The following CHD6 variants were observed in gnomAD, a reference collection of about 807,000 sequenced individuals.
The protein encoded by CHD6 is chromodomain helicase DNA binding protein 6, also known as ATP-dependent chromatin remodeler CHD6.
A neutral mutation model predicts 276.9 loss-of-function variants in CHD6; 50 were observed. The ratio of observed to expected loss-of-function variants is 0.18; its 90% CI spans 0.14 to 0.23. The LOEUF (loss-of-function observed/expected upper bound fraction) is 0.23, where lower values mean the gene tolerates loss of function less well. Ranked by LOEUF, CHD6 falls within the 10% of genes least tolerant of loss-of-function variation. CHD6 has a pLI of 1.00. For missense variants in CHD6, 2,564 were observed against 3,365.8 expected, an observed-to-expected ratio of 0.76 and a Z score of 5.89; for synonymous variants, 1,173 against 1,229.3, an observed-to-expected ratio of 0.95 and a Z score of 0.96.
At chr20:41,456,164 A>T (rs954070582) in intron 18 of CHD6, among the ~76,000 whole-genome samples, 185 bp from the exon 19 acceptor site, 2 of 152,158 alleles carry the variant, frequency 1.3e-5, no homozygotes, top group Admixed American at 6.6e-5. Flanking sequence ...GCAGGCAGAC[A>T]GTCCTCTATA....
chr20:41,467,632 T>A (rs1312032793), intron 17 of CHD6, among the ~76,000 whole-genome samples: 2 of 124,852 alleles, frequency 1.6e-5, no homozygotes, highest in African/African-American at 6.3e-5. Flanking sequence ...ACCTTGGGAG[T>A]CTGAGGCAGG....
At chr20:41,527,278 A>C (rs909571135) in intron 3 of CHD6, among the ~76,000 whole-genome samples, 4 of 152,168 alleles carry the variant, frequency 2.6e-5, no homozygotes, top group Non-Finnish European at 5.9e-5. Context: ...CTCTACTAAA[A>C]ATACAAAAAA....
intron 26 of CHD6, among the ~76,000 whole-genome samples, chr20:41,439,289 G>A (rs968025618): frequency 3.3e-5 from 5 of 151,920 alleles, no homozygotes; most frequent in Non-Finnish European, 2.9e-5. Context: ...CTGGGAGGCG[G>A]AGGTTGCAGT....
intron 17 of CHD6, among the ~76,000 whole-genome samples, chr20:41,466,001 A>G (rs1402278424): frequency 6.6e-6 from 1 of 152,104 alleles, no homozygotes; most frequent in Non-Finnish European, 1.5e-5. Flanking sequence ...TCAGGAGTTC[A>G]AGACCAGCCT....
intron 2 of CHD6, among the ~76,000 whole-genome samples, chr20:41,541,774 T>C (rs1197265732): frequency 6.6e-6 from 1 of 152,234 alleles, no homozygotes; most frequent in South Asian, 2.1e-4. Context: ...GATTTGGTAA[T>C]GTCATTTTTT....
In CHD6 at chr20:41,451,087, G is replaced by C; in HGVS notation, c.3542C>G (p.Pro1181Arg). ...QNHSGLSAPV[P>R]RGRKGKKTKN... Reference sequence around the variant, plus strand: ...CGTCTTCTTCCCCTTCCTCCCTCTGGGGACTGGGGCAGATAAGCCTGAAAC... The same window carrying C: ...CGTCTTCTTCCCCTTCCTCCCTCTGCGGACTGGGGCAGATAAGCCTGAAAC... The change falls in exon 23 of 37, where the codon CCC becomes CGC. Residue 1181 changes from proline (P) to arginine (R), a missense_variant. By Grantham distance (103) the Pro-to-Arg change is moderately radical. Coordinates refer to ENST00000373233, the MANE Select transcript of CHD6 (RefSeq NM_032221.5). The C allele has an allele frequency of 6.2e-7, 1 of 1,613,886 alleles. No individual in the cohort carries two copies. Among genetic ancestry groups the C allele is most frequent in the Non-Finnish European group, 8.5e-7 (1 of 1,179,852 alleles).
intron 1 of CHD6, among the ~76,000 whole-genome samples, chr20:41,590,971 CAAT>C (rs2045651387): frequency 6.6e-6 from 1 of 151,350 alleles, no homozygotes; most frequent in South Asian, 2.1e-4. Flanking sequence ...AAATGTCCAA[CAAT>C]GATAGACTGG....
At chr20:41,521,837 G>A (rs1233310689) in intron 3 of CHD6, among the ~76,000 whole-genome samples, 1 of 152,180 alleles carries the variant, frequency 6.6e-6, no homozygotes, top group Non-Finnish European at 1.5e-5. Flanking sequence ...ATGTCAAAAT[G>A]ACAAATAAGT....
At chr20:41,523,461 A>G (rs1434372574) in intron 3 of CHD6, among the ~76,000 whole-genome samples, 1 of 152,210 alleles carries the variant, frequency 6.6e-6, no homozygotes, top group Admixed American at 6.5e-5. Flanking sequence ...CACTTTAAAG[A>G]AAGTACCTAC....
chr20:41,488,789 A>G (rs1481380703), intron 12 of CHD6, among the ~76,000 whole-genome samples, 185 bp from the exon 13 acceptor site: 1 of 152,236 alleles, frequency 6.6e-6, no homozygotes, highest in African/African-American at 2.4e-5. Context: ...AAGGCCTCAC[A>G]CCATCAATGA....
At chr20:41,475,979 A>T (rs2043159455) in intron 16 of CHD6, among the ~76,000 whole-genome samples, 1 of 152,192 alleles carries the variant, frequency 6.6e-6, no homozygotes, top group African/African-American at 2.4e-5. Flanking sequence ...GTTTTGAGGG[A>T]GTGCTCTCAA....
At chr20:41,437,438 G>A (rs529701713) in intron 26 of CHD6, 104 bp from the exon 27 acceptor site, 6 of 697,154 alleles carry the variant, frequency 8.6e-6, no homozygotes, top group East Asian at 7.8e-5. Context: ...AGATATTTTG[G>A]GGGAGAGACA....
At chr20:41,467,730 C>T (rs1488633782) in intron 17 of CHD6, among the ~76,000 whole-genome samples, 1 of 149,758 alleles carries the variant, frequency 6.7e-6, no homozygotes, top group East Asian at 2.0e-4. Context: ...ATAAGTCAGT[C>T]AAGAACTAGC....
At chr20:41,590,151 G>T (rs1030865238) in intron 1 of CHD6, among the ~76,000 whole-genome samples, 1 of 152,204 alleles carries the variant, frequency 6.6e-6, no homozygotes, top group Non-Finnish European at 1.5e-5. Flanking sequence ...TGGGAAAACT[G>T]GCTAGCCATA....
chr20:41,520,286 A>G (rs2044357945), intron 3 of CHD6, among the ~76,000 whole-genome samples: 3 of 152,262 alleles, frequency 2.0e-5, no homozygotes, highest in African/African-American at 4.8e-5. Context: ...ATCTAGAAGT[A>G]GAAATACCAT....
At chr20:41,556,216 T>C (rs1473444752) in intron 1 of CHD6, among the ~76,000 whole-genome samples, 22 of 151,026 alleles carry the variant, frequency 1.5e-4, no homozygotes, top group Non-Finnish European at 1.2e-4. Flanking sequence ...AGTCCAGCTT[T>C]GGCTCGGCAT....
intron 12 of CHD6, 63 bp from the exon 13 acceptor site, chr20:41,488,667 G>T: frequency 6.8e-7 from 1 of 1,462,662 alleles, no homozygotes. Flanking sequence ...GCTAATATCT[G>T]CTGGACTACA....
intron 1 of CHD6, among the ~76,000 whole-genome samples, chr20:41,593,178 C>T (rs1429868874): frequency 7.2e-6 from 1 of 139,168 alleles, no homozygotes; most frequent in Non-Finnish European, 1.5e-5. Context: ...AATGCCAACA[C>T]TGTTTAACTC....
chr20:41,611,966 T>A (rs1300946361), intron 1 of CHD6, among the ~76,000 whole-genome samples: 1 of 152,168 alleles, frequency 6.6e-6, no homozygotes, highest in Non-Finnish European at 1.5e-5. Flanking sequence ...TGCTCCAAAG[T>A]AATGCTGAAG....
Sources: gnomAD v4.1 joint callset for allele counts (sites outside exome capture counted in the v4.1 genomes callset) on GRCh38, gnomAD v4.1.1 for gene constraint, MANE v1.5 for transcripts, NCBI Gene and HGNC (gene_info 2026-07-23, HGNC 2026-07-21) for gene names.